SGSM1: variants seen among roughly 807,000 people sequenced by gnomAD.
SGSM1 encodes the protein small G protein signaling modulator 1, also known as RUN and TBC1 domain containing 2.
In SGSM1, 73 loss-of-function variants were observed where a neutral mutation model predicts 133.8. The observed-to-expected ratio is 0.55, with a 90% CI of 0.45 to 0.66. The LOEUF is 0.66. SGSM1 is among the 30% of genes least tolerant of loss of function. The probability of loss-of-function intolerance (pLI) is 0.00; values close to 1 mark genes in which losing one functional copy is unlikely to be tolerated. For synonymous variants in SGSM1, 563 were observed against 573.0 expected (o/e 0.98, Z 0.25); for missense variants, 1,213 against 1,448.1 (o/e 0.84, Z 2.64).
chr22:24,900,412 T>TCTTTCTTTCTTTCTTTCTTTC (rs1933111962), intron 19 of SGSM1, among the ~76,000 whole-genome samples: 1 of 144,574 alleles, frequency 6.9e-6, no homozygotes, highest in African/African-American at 2.6e-5. Flanking sequence ...TCTTTCTGTA[T>TCTTTCTTTCTTTCTTTCTTTC]TTTTGAGACA....
At chr22:24,809,489 C>T (rs1927608260) in intron 2 of SGSM1, among the ~76,000 whole-genome samples, 1 of 152,220 alleles carries the variant, frequency 6.6e-6, no homozygotes, top group Non-Finnish European at 1.5e-5. Flanking sequence ...CAAGGTTTGC[C>T]AGAGCCACTG....
chr22:24,832,042 C>T (rs1181586216), intron 2 of SGSM1, among the ~76,000 whole-genome samples: 2 of 152,184 alleles, frequency 1.3e-5, no homozygotes, highest in South Asian at 4.2e-4. Flanking sequence ...AATCCTGGCT[C>T]CCTGGCTCAG....
chr22:24,819,032 G>C (rs1171914572), intron 2 of SGSM1, among the ~76,000 whole-genome samples: 1 of 151,630 alleles, frequency 6.6e-6, no homozygotes, highest in Non-Finnish European at 1.5e-5. Context: ...TGTAGTCCCA[G>C]CTACTCGGGA....
chr22:24,909,034 T>C (rs927752586), intron 21 of SGSM1, among the ~76,000 whole-genome samples: 1 of 152,144 alleles, frequency 6.6e-6, no homozygotes, highest in East Asian at 1.9e-4. Context: ...TCCACCTCCC[T>C]CCTCCTGTCA....
chr22:24,915,787 G>C (rs546415094), intron 22 of SGSM1, among the ~76,000 whole-genome samples: 1 of 152,210 alleles, frequency 6.6e-6, no homozygotes, highest in East Asian at 1.9e-4. Context: ...CAAATAGTAT[G>C]TCCTCTTCAT....
intron 12 of SGSM1, among the ~76,000 whole-genome samples, chr22:24,869,360 A>C (rs1045183904): frequency 3.9e-5 from 6 of 152,088 alleles, no homozygotes; most frequent in African/African-American, 1.2e-4. Context: ...TCTCTACAAA[A>C]AATACAAAAA....
chr22:24,882,572 C>T (rs1350253749), intron 14 of SGSM1, among the ~76,000 whole-genome samples: 3 of 152,102 alleles, frequency 2.0e-5, no homozygotes, highest in Non-Finnish European at 4.4e-5. Context: ...AAATTATTAA[C>T]TATAATTTCC....
At chr22:24,859,901 G>A (rs1017838176) in intron 9 of SGSM1, 61 bp downstream of exon 9, 4 of 1,601,894 alleles carry the variant, frequency 2.5e-6, no homozygotes, top group South Asian at 1.1e-5. Flanking sequence ...GCACAAGGAA[G>A]TTCCTCCCCG....
At chr22:24,890,039 C>T (rs887350956) in intron 16 of SGSM1, among the ~76,000 whole-genome samples, 3 of 150,378 alleles carry the variant, frequency 2.0e-5, no homozygotes, top group African/African-American at 7.4e-5. Context: ...TCACTGCAAG[C>T]TCTGCCTGCT....
chr22:24,903,420 G>A (rs1933236770), intron 20 of SGSM1, among the ~76,000 whole-genome samples: 2 of 152,106 alleles, frequency 1.3e-5, no homozygotes, highest in South Asian at 4.2e-4. Flanking sequence ...TGTTGCCCAG[G>A]CTGGTCTTGA....
intron 2 of SGSM1, among the ~76,000 whole-genome samples, chr22:24,821,552 A>G (rs1330210936): frequency 1.3e-5 from 2 of 152,126 alleles, no homozygotes; most frequent in Non-Finnish European, 2.9e-5. Context: ...AAGGTTTCTG[A>G]GCTGACACCA....
intron 2 of SGSM1, among the ~76,000 whole-genome samples, chr22:24,828,986 G>A (rs1391764282): frequency 6.6e-6 from 1 of 152,138 alleles, no homozygotes; most frequent in Non-Finnish European, 1.5e-5. Flanking sequence ...GAGGCTAGGA[G>A]ATCGAGACAA....
rs1932478912 is a variant in SGSM1 at position 24,884,115 on chromosome 22, A to G, written c.1558A>G (p.Met520Val). 2 of 1,613,660 alleles carry G rather than the reference A, an allele frequency of 1.2e-6. No individual in the cohort carries two copies. Among genetic ancestry groups the G allele is most frequent in the African/African-American group, 1.3e-5 (1 of 74,878 alleles). The change falls in exon 15 of 25, where the codon ATG (methionine) becomes GTG (valine). Residue 520 changes from methionine (M) to valine (V), a missense_variant. Physicochemically the swap from Met to Val is conservative, Grantham distance 21. Coordinates refer to ENST00000400358, the MANE Select transcript of SGSM1 (RefSeq NM_001098497.3). ...CCACCTATCAGCCCTGGTCAATCAC[A>G]TGATCGTGTCTCCAGACTTGCCCTG... ...RTHLSALVNHMIVSPDLPCDA... is the reference protein window; with the variant it reads ...RTHLSALVNHVIVSPDLPCDA...
chr22:24,897,952 T>C lies in SGSM1; in HGVS notation c.2023-20T>C, dbSNP rs1442508303. ...CAGTCGACATGCCGGTCCATCTGTTTTTGTGCACCTTGTCCTCAGGTGTTT... is the reference window on the plus strand; with the variant it reads ...CAGTCGACATGCCGGTCCATCTGTTCTTGTGCACCTTGTCCTCAGGTGTTT... On this transcript the variant is annotated intron_variant, in intron 18 of 24. Coordinates refer to ENST00000400358, the MANE Select transcript of SGSM1 (RefSeq NM_001098497.3). The C allele has an allele frequency of 6.4e-7, 1 of 1,564,346 alleles. No homozygotes were observed. The highest frequency in any genetic ancestry group is 1.9e-5 in the Admixed American group (1 of 52,360).
intron 2 of SGSM1, among the ~76,000 whole-genome samples, chr22:24,812,169 C>CAAA (rs1351864022): frequency 1.4e-5 from 1 of 70,030 alleles, no homozygotes; most frequent in Non-Finnish European, 2.9e-5. Context: ...GACTCCGTCT[C>CAAA]AAAAAAAGAA....
At chr22:24,816,175 C>A (rs1928062491) in intron 2 of SGSM1, among the ~76,000 whole-genome samples, 1 of 152,092 alleles carries the variant, frequency 6.6e-6, no homozygotes, top group Admixed American at 6.5e-5. Flanking sequence ...CACAAAACAA[C>A]CTTCCTACAC....
intron 9 of SGSM1, 122 bp downstream of exon 9, chr22:24,859,962 G>T (rs1044984781): frequency 7.2e-7 from 1 of 1,394,782 alleles, no homozygotes; most frequent in South Asian, 1.3e-5. Flanking sequence ...TCCTCTGCCT[G>T]GTTGTTAGGA....
chr22:24,823,751 T>TA (rs1293052382), intron 2 of SGSM1, among the ~76,000 whole-genome samples: 11 of 149,014 alleles, frequency 7.4e-5, no homozygotes, highest in Non-Finnish European at 1.2e-4. Context: ...TGGGCAACAT[T>TA]AAAAAAAAAT....
At chr22:24,869,481 A>G (rs1459342967) in intron 12 of SGSM1, among the ~76,000 whole-genome samples, 1 of 152,092 alleles carries the variant, frequency 6.6e-6, no homozygotes, top group Non-Finnish European at 1.5e-5. Context: ...TGATTATGTC[A>G]TTGCACTACA....
Sources: allele counts gnomAD v4.1 joint callset (sites outside exome capture counted in the v4.1 genomes callset), GRCh38; gene constraint gnomAD v4.1.1; transcripts MANE v1.5; gene names NCBI Gene and HGNC (gene_info 2026-07-23, HGNC 2026-07-21).